TTC28: variants seen among roughly 807,000 people sequenced by gnomAD.
The protein encoded by TTC28 is tetratricopeptide repeat protein 28.
TTC28 carries 61 observed loss-of-function variants against 198.0 expected under a neutral mutation model. The ratio of observed to expected loss-of-function variants is 0.31; its 90% CI spans 0.25 to 0.38. The LOEUF (loss-of-function observed/expected upper bound fraction) is 0.38, where lower values mean the gene tolerates loss of function less well. TTC28 is among the 10% of genes least tolerant of loss of function. TTC28 has a pLI of 1.00. For synonymous variants in TTC28, 1,171 were observed against 1,297.8 expected, an observed-to-expected ratio of 0.90 and a Z score of 2.10; for missense variants, 2,678 against 3,164.0, an observed-to-expected ratio of 0.85 and a Z score of 3.69.
At chr22:28,161,739 AGGACAGGACAGGAC>A (rs1282760254) in intron 6 of TTC28, among the ~76,000 whole-genome samples, 1 of 140,924 alleles carries the variant, frequency 7.1e-6, no homozygotes, top group Non-Finnish European at 1.6e-5. Context: ...AGGACAGGAC[AGGACAGGACAGGAC>A]AGGAAAGGAA....
Position 27,989,915 on chromosome 22 carries a change from C to T in TTC28, c.5670G>A (p.Trp1890Ter). 1 of 1,551,342 alleles carries T rather than the reference C, an allele frequency of 6.4e-7. No homozygotes were observed. The highest frequency in any genetic ancestry group is 8.7e-7 in the Non-Finnish European group (1 of 1,146,848). Residue 1890 changes from tryptophan to a stop codon, truncating the protein, a stop_gained, in exon 21 of 23, where the codon TGG becomes TGA. Transcript: ENST00000397906. LOFTEE classifies it high-confidence loss of function. ...PIQVSISVQL[W>*]RLPGCHEFLA... is the part of the protein sequence containing the mutation. ...GGAACTCGTGGCATCCCGGGAGCCG[C>T]CACAGCTGGACGCTGATGGAGACCT...
At chr22:28,203,716 C>A (rs1926164324) in intron 5 of TTC28, among the ~76,000 whole-genome samples, 1 of 152,084 alleles carries the variant, frequency 6.6e-6, no homozygotes, top group African/African-American at 2.4e-5. Context: ...CACCCACCTG[C>A]CTCTGTGGAT....
intron 6 of TTC28, among the ~76,000 whole-genome samples, chr22:28,130,412 T>C (rs1401439830): frequency 6.6e-6 from 1 of 152,240 alleles, no homozygotes; most frequent in East Asian, 1.9e-4. Context: ...ACTTCCTAGT[T>C]GTATCTTCAT....
chr22:28,108,667 G>A (rs1002412685), intron 6 of TTC28, among the ~76,000 whole-genome samples: 12 of 151,850 alleles, frequency 7.9e-5, no homozygotes, highest in African/African-American at 2.9e-4. Flanking sequence ...AAATTAAAAG[G>A]CAAAACAATA....
chr22:28,053,964 CA>C (rs1233432757), intron 12 of TTC28, among the ~76,000 whole-genome samples: 2 of 152,142 alleles, frequency 1.3e-5, no homozygotes, highest in Non-Finnish European at 2.9e-5. Context: ...AATATAAATG[CA>C]TCCTGACGTT....
chr22:28,173,311 A>C lies in TTC28; in HGVS notation c.934-9712T>G, dbSNP rs186011276. On this transcript the variant is annotated intron_variant, in intron 5 of 22. Coordinates refer to ENST00000397906, the MANE Select transcript of TTC28 (RefSeq NM_001145418.2). ...GTTAATGAGAATCTGAAGACCCACT[A>C]TCTATGGGGAATCACAGGCTCCACC... 5.9e-5 allele frequency among the ~76,000 whole-genome samples: 9 copies of C among 152,262 alleles called. No individual in the cohort carries two copies. The East Asian group carries it at 7.7e-4, about 13-fold the overall frequency.
At chr22:28,095,360 C>T (rs1941940877) in intron 11 of TTC28, among the ~76,000 whole-genome samples, 1 of 151,966 alleles carries the variant, frequency 6.6e-6, no homozygotes, top group Non-Finnish European at 1.5e-5. Flanking sequence ...GAGCTGTCAT[C>T]CAGCCATCAT....
intron 12 of TTC28, among the ~76,000 whole-genome samples, chr22:28,046,088 CT>C (rs1324926984): frequency 2.0e-5 from 3 of 152,216 alleles, no homozygotes; most frequent in Non-Finnish European, 4.4e-5. Context: ...ATTAAAAGTA[CT>C]TAATGAAATT....
chr22:28,535,795 T>G (rs1013884190), intron 2 of TTC28, among the ~76,000 whole-genome samples: 6 of 152,168 alleles, frequency 3.9e-5, no homozygotes, highest in Non-Finnish European at 7.4e-5. Context: ...ATGTGAAGAC[T>G]GTGCCTGCTT....
chr22:28,528,380 C>T (rs923853492), intron 2 of TTC28, among the ~76,000 whole-genome samples: 2 of 151,898 alleles, frequency 1.3e-5, no homozygotes, highest in African/African-American at 4.8e-5. Flanking sequence ...CTCAGTAGAT[C>T]GTTAAGGATG....
intron 5 of TTC28, among the ~76,000 whole-genome samples, chr22:28,246,095 T>C (rs1044605220): frequency 6.6e-6 from 1 of 152,226 alleles, no homozygotes; most frequent in Non-Finnish European, 1.5e-5. Context: ...AAAAACTTCA[T>C]CTTTAAGAGC....
chr22:28,083,907 C>A (rs1001062417), intron 12 of TTC28, among the ~76,000 whole-genome samples: 3 of 152,246 alleles, frequency 2.0e-5, no homozygotes, highest in Non-Finnish European at 4.4e-5. Context: ...CGGAGCCTCG[C>A]TCATTGCTAG....
chr22:28,145,230 A>G lies in TTC28; in HGVS notation c.1441+17862T>C, dbSNP rs114248587. Among the ~76,000 whole-genome samples the G allele has an allele frequency of 9.7e-4, 148 of 152,312 alleles. 1 individual carries two copies. The highest frequency in any genetic ancestry group is 2.5e-3 in the African/African-American group (103 of 41,566). Reference sequence around the variant, plus strand: ...ACATTCACACTTTCATTTGAGTCTAATGATCTTGTGAGAAGCAAATATATT... The same window carrying G: ...ACATTCACACTTTCATTTGAGTCTAGTGATCTTGTGAGAAGCAAATATATT... On this transcript the variant is annotated intron_variant, in intron 6 of 22. Transcript: ENST00000397906.
intron 2 of TTC28, among the ~76,000 whole-genome samples, chr22:28,588,207 A>G (rs1278191113): frequency 6.6e-6 from 1 of 152,096 alleles, no homozygotes; most frequent in Non-Finnish European, 1.5e-5. Flanking sequence ...GTAAAATATA[A>G]TTTTAAAAAT....
intron 5 of TTC28, among the ~76,000 whole-genome samples, chr22:28,249,728 G>C (rs1930378543): frequency 1.3e-5 from 2 of 152,244 alleles, no homozygotes. Flanking sequence ...CTCTCCCTGA[G>C]ACGGGCAGGC....
intron 2 of TTC28, among the ~76,000 whole-genome samples, chr22:28,531,006 A>C (rs1385553606): frequency 6.6e-6 from 1 of 152,200 alleles, no homozygotes; most frequent in African/African-American, 2.4e-5. Flanking sequence ...TCAACTAATG[A>C]GCAAAATAAC....
chr22:28,590,034 CAAAAAAA>C (rs71194779), intron 2 of TTC28, among the ~76,000 whole-genome samples: 124 of 68,052 alleles, frequency 1.8e-3, no homozygotes, highest in African/African-American at 0.012. Flanking sequence ...AAGACTCCAT[CAAAAAAA>C]AAAAAAAAAA....
At chr22:28,434,663 G>A (rs2047490496) in intron 2 of TTC28, among the ~76,000 whole-genome samples, 1 of 152,070 alleles carries the variant, frequency 6.6e-6, no homozygotes, top group Non-Finnish European at 1.5e-5. Flanking sequence ...TCTTACTTAT[G>A]CCTGAAAATC....
intron 12 of TTC28, among the ~76,000 whole-genome samples, chr22:28,047,654 A>C (rs997876266): frequency 1.3e-5 from 2 of 152,134 alleles, no homozygotes; most frequent in Non-Finnish European, 2.9e-5. Context: ...CATAGCATCA[A>C]GTGGGTGGCA....
Sources: gnomAD v4.1 joint callset for allele counts (sites outside exome capture counted in the v4.1 genomes callset) on GRCh38, gnomAD v4.1.1 for gene constraint, MANE v1.5 for transcripts, NCBI Gene and HGNC (gene_info 2026-07-23, HGNC 2026-07-21) for gene names.